The following EPHA5 variants were observed in gnomAD, a reference collection of about 807,000 sequenced individuals.
EPHA5 encodes the protein ephrin type-A receptor 5.
A neutral mutation model predicts 105.0 loss-of-function variants in EPHA5; 60 were observed. The ratio of observed to expected loss-of-function variants is 0.57; its 90% CI spans 0.46 to 0.71. The LOEUF (loss-of-function observed/expected upper bound fraction) is 0.71. Ranked by LOEUF, EPHA5 falls within the 30% of genes least tolerant of loss-of-function variation. EPHA5 has a pLI of 0.00. For synonymous variants in EPHA5, 513 were observed against 449.1 expected, an observed-to-expected ratio of 1.14 and a Z score of -1.80; for missense variants, 1,218 against 1,274.7, an observed-to-expected ratio of 0.96 and a Z score of 0.68.
intron 5 of EPHA5, among the ~76,000 whole-genome samples, chr4:65,459,118 A>G (rs1213943295): frequency 2.0e-5 from 3 of 152,102 alleles, no homozygotes; most frequent in African/African-American, 7.2e-5. Flanking sequence ...TCTGAAGTTT[A>G]AACTGGGGCC....
Position 65,545,764 on chromosome 4 carries a change from G to A in EPHA5, c.911-50221C>T, listed in dbSNP as rs186640849. Among the ~76,000 whole-genome samples, 63 of 151,996 alleles carry A rather than the reference G, an allele frequency of 4.1e-4. No individual in the cohort carries two copies. In the East Asian group the frequency reaches 0.012, roughly 28 times the overall value. ...TTACCACTCTTTAAATCGAATAAGA[G>A]CTTCCATGTTGCACCAATGATCCAA... On this transcript the variant is annotated intron_variant, in intron 3 of 16. Transcript: ENST00000613740.
In EPHA5 at chr4:65,640,381, G is replaced by C. The variant is rs77389796; in HGVS notation, c.246+2982C>G. 7.0e-3 allele frequency among the ~76,000 whole-genome samples: 1,001 copies of C among 143,124 alleles called. 47 individuals are homozygous for C. In the East Asian group the frequency reaches 0.14, roughly 20 times the overall value. The allele number at this position is 143,124 out of a possible 152,430, so 93.9% of individuals were successfully genotyped here. On this transcript the variant is annotated intron_variant, in intron 2 of 16. Transcript: ENST00000613740. ...GCTCACTGCAAGCTCCACCTCCCGG[G>C]TTCAAGCCATTCTCCTGCCTCAGCC... is the stretch of plus-strand genomic sequence containing the variant.
intron 2 of EPHA5, among the ~76,000 whole-genome samples, chr4:65,642,949 T>C (rs887273801): frequency 4.6e-5 from 7 of 152,058 alleles, no homozygotes; most frequent in African/African-American, 1.4e-4. Context: ...GGTCCCAGCG[T>C]TGAATCAACA....
intron 11 of EPHA5, among the ~76,000 whole-genome samples, chr4:65,360,147 A>C (rs1238424760): frequency 2.0e-5 from 3 of 151,608 alleles, no homozygotes; most frequent in African/African-American, 4.8e-5. Flanking sequence ...ACCCACTCTC[A>C]ACAGAAGCAA....
intron 8 of EPHA5, among the ~76,000 whole-genome samples, chr4:65,400,398 G>T (rs557306825): frequency 3.3e-4 from 50 of 152,168 alleles, no homozygotes; most frequent in Non-Finnish European, 6.0e-4. Flanking sequence ...ATGGGAAACA[G>T]TGAAGAGAGT....
At chr4:65,554,519 GA>G (rs35880018) in intron 3 of EPHA5, among the ~76,000 whole-genome samples, 3 of 150,692 alleles carry the variant, frequency 2.0e-5, no homozygotes, top group Admixed American at 6.6e-5. Context: ...GATAGTTGAG[GA>G]AAAAAGGTTT....
At chr4:65,384,456 A>G (rs1425955197) in intron 8 of EPHA5, among the ~76,000 whole-genome samples, 1 of 151,886 alleles carries the variant, frequency 6.6e-6, no homozygotes, top group South Asian at 2.1e-4. Context: ...TTTGGTCCCT[A>G]TTTCCAATTC....
At chr4:65,526,243 A>T (rs1208105615) in intron 3 of EPHA5, among the ~76,000 whole-genome samples, 1 of 151,896 alleles carries the variant, frequency 6.6e-6, no homozygotes, top group African/African-American at 2.4e-5. Flanking sequence ...ACTTTTCAGT[A>T]CATATGATTG....
intron 3 of EPHA5, among the ~76,000 whole-genome samples, chr4:65,579,062 A>G (rs1198914894): frequency 1.3e-5 from 2 of 151,996 alleles, no homozygotes; most frequent in Non-Finnish European, 2.9e-5. Flanking sequence ...ATCTAAAATA[A>G]AAATAGCTAT....
chr4:65,364,706 T>G (rs1250648278), intron 11 of EPHA5, among the ~76,000 whole-genome samples: 1 of 151,360 alleles, frequency 6.6e-6, no homozygotes, highest in East Asian at 1.9e-4. Flanking sequence ...AATATTTCAT[T>G]AGGATAAAAA....
At chr4:65,647,144 C>G (rs922630212) in intron 1 of EPHA5, among the ~76,000 whole-genome samples, 1 of 151,558 alleles carries the variant, frequency 6.6e-6, no homozygotes, top group Admixed American at 6.6e-5. Context: ...CTGGCTAACA[C>G]GGTGAAACCC....
chr4:65,565,783 T>TA (rs905117664), intron 3 of EPHA5, among the ~76,000 whole-genome samples: 2 of 151,474 alleles, frequency 1.3e-5, no homozygotes, highest in African/African-American at 2.4e-5. Flanking sequence ...TAAAATGCAA[T>TA]AAAAAAATTA....
chr4:65,614,394 T>G (rs986176071), intron 2 of EPHA5, among the ~76,000 whole-genome samples: 2 of 151,850 alleles, frequency 1.3e-5, no homozygotes, highest in Admixed American at 1.3e-4. Flanking sequence ...ACATAATATC[T>G]TAGATATTAT....
chr4:65,504,315 T>C (rs886216876), intron 3 of EPHA5, among the ~76,000 whole-genome samples: 5 of 150,834 alleles, frequency 3.3e-5, no homozygotes, highest in African/African-American at 1.2e-4. Flanking sequence ...AAATAACAAC[T>C]TCTATACTCC....
At chr4:65,650,501 A>T (rs1466481074) in intron 1 of EPHA5, among the ~76,000 whole-genome samples, 1 of 149,892 alleles carries the variant, frequency 6.7e-6, no homozygotes, top group Non-Finnish European at 1.5e-5. Flanking sequence ...CGGAGCTTGC[A>T]GTGAGCCGAG....
rs371991446 is a variant in EPHA5, at chr4:65,494,174, A to G, written c.1066+1214T>C. Among the ~76,000 whole-genome samples, 26 of 152,358 alleles carry G rather than the reference A, an allele frequency of 1.7e-4. No individual in the cohort carries two copies. The East Asian group carries it at 3.3e-3, about 19-fold the overall frequency. On this transcript the variant is annotated intron_variant, in intron 4 of 16. Coordinates refer to ENST00000613740, the MANE Select transcript of EPHA5 (RefSeq NM_001281766.3). Reference sequence around the variant, plus strand: ...ATGAAATCATCAGCTTTGGGATAAAAGAATGGTCTTCAGAATGTAAAGCTA... The same window carrying G: ...ATGAAATCATCAGCTTTGGGATAAAGGAATGGTCTTCAGAATGTAAAGCTA...
At chr4:65,352,787 A>T (rs1291342815) in intron 12 of EPHA5, among the ~76,000 whole-genome samples, 114 of 146,042 alleles carry the variant, frequency 7.8e-4, no homozygotes, top group South Asian at 1.1e-3. Flanking sequence ...ACTTCTCTGC[A>T]TTTTTTTTTT....
chr4:65,597,097 A>G (rs1197280954), intron 3 of EPHA5, among the ~76,000 whole-genome samples: 1 of 152,142 alleles, frequency 6.6e-6, no homozygotes, highest in Non-Finnish European at 1.5e-5. Context: ...ACAATTAATA[A>G]GTACTTTTTC....
intron 8 of EPHA5, among the ~76,000 whole-genome samples, chr4:65,377,260 T>C (rs1460678085): frequency 6.6e-6 from 1 of 152,044 alleles, no homozygotes; most frequent in Admixed American, 6.6e-5. Flanking sequence ...TATAGAGTTG[T>C]AGTAAATTGT....
Sources: allele counts gnomAD v4.1 joint callset (sites outside exome capture counted in the v4.1 genomes callset), GRCh38; gene constraint gnomAD v4.1.1; transcripts MANE v1.5; gene names NCBI Gene and HGNC (gene_info 2026-07-23, HGNC 2026-07-21).